Variants in FNIP1 observed in about 807,000 individuals in gnomAD.
FNIP1 encodes folliculin-interacting protein 1.
FNIP1 carries 40 observed loss-of-function variants against 124.5 expected under a neutral mutation model. The ratio of observed to expected loss-of-function variants is 0.32; its 90% confidence interval spans 0.25 to 0.42. The LOEUF is 0.42. Among genes scored for constraint, FNIP1 ranks in the 10% least tolerant of loss-of-function variants. The pLI is 1.00. For missense variants in FNIP1, 1,176 were observed against 1,403.7 expected (o/e 0.84, Z 2.59); for synonymous variants, 472 against 470.6 (o/e 1.00, Z -0.04).
At chr5:131,735,676 A>T (rs1186282742) in intron 2 of FNIP1, among the ~76,000 whole-genome samples, 1 of 150,256 alleles carries the variant, frequency 6.7e-6, no homozygotes, top group Non-Finnish European at 1.5e-5. Context: ...ATACGTATAA[A>T]ATATGTATAT....
At chr5:131,750,515 A>G (rs1335664248) in intron 1 of FNIP1, among the ~76,000 whole-genome samples, 1 of 152,200 alleles carries the variant, frequency 6.6e-6, no homozygotes, top group African/African-American at 2.4e-5. Context: ...AAGCAAAGAA[A>G]TAAATTAACT....
At chr5:131,660,151 T>C (rs1282418363) in intron 15 of FNIP1, among the ~76,000 whole-genome samples, 1 of 151,134 alleles carries the variant, frequency 6.6e-6, no homozygotes, top group African/African-American at 2.4e-5. Context: ...GGCGGCAGAG[T>C]GGTGAGGGTG....
At chr5:131,655,940 A>C (rs12188884) in intron 15 of FNIP1, among the ~76,000 whole-genome samples, 1,752 of 151,270 alleles carry the variant, frequency 0.012, 17 homozygotes, top group South Asian at 0.045. Context: ...AACAAAACAA[A>C]ACAAAAAAAA....
At chr5:131,769,244 ACTTG>A (rs1227034641) in intron 1 of FNIP1, among the ~76,000 whole-genome samples, 1 of 152,240 alleles carries the variant, frequency 6.6e-6, no homozygotes, top group East Asian at 1.9e-4. Flanking sequence ...AATAATTAAT[ACTTG>A]CTTAAAACAT....
chr5:131,780,984 C>T (rs1771976858), intron 1 of FNIP1, among the ~76,000 whole-genome samples: 1 of 152,122 alleles, frequency 6.6e-6, no homozygotes, highest in Admixed American at 6.6e-5. Context: ...GTTGTGAATG[C>T]AAAGGAAAAT....
chr5:131,715,912 T>A (rs1170223504), intron 6 of FNIP1, among the ~76,000 whole-genome samples: 1 of 152,282 alleles, frequency 6.6e-6, no homozygotes, highest in Non-Finnish European at 1.5e-5. Flanking sequence ...ACTATTCTAA[T>A]TGCTATCCCA....
intron 16 of FNIP1, 60 bp downstream of exon 16, chr5:131,651,733 TCAGAAAAAA>T: frequency 6.8e-7 from 1 of 1,477,208 alleles, no homozygotes. Flanking sequence ...CAGCTTTTTT[TCAGAAAAAA>T]CAATGATGAA....
At chr5:131,710,472 C>T in intron 7 of FNIP1, 106 bp downstream of exon 7, 1 of 959,258 alleles carries the variant, frequency 1.0e-6, no homozygotes, top group Non-Finnish European at 1.5e-6. Context: ...TTCTTAACCA[C>T]AACCTCACCA....
intron 1 of FNIP1, among the ~76,000 whole-genome samples, chr5:131,750,296 T>C (rs1208542379): frequency 6.6e-6 from 1 of 151,944 alleles, no homozygotes; most frequent in African/African-American, 2.4e-5. Flanking sequence ...ACGGTCAAAG[T>C]GCTGAAAAAA....
intron 11 of FNIP1, among the ~76,000 whole-genome samples, chr5:131,685,142 C>T (rs1380392513): frequency 6.6e-6 from 1 of 152,094 alleles, no homozygotes; most frequent in African/African-American, 2.4e-5. Context: ...CCTGTAATCC[C>T]AGTACTGTGG....
At chr5:131,760,303 G>GA (rs1308140168) in intron 1 of FNIP1, among the ~76,000 whole-genome samples, 1 of 151,580 alleles carries the variant, frequency 6.6e-6, no homozygotes, top group Non-Finnish European at 1.5e-5. Context: ...GAATATAAGT[G>GA]AAAAAAAAGT....
chr5:131,680,926 G>C (rs1768058186), intron 11 of FNIP1, among the ~76,000 whole-genome samples: 1 of 152,118 alleles, frequency 6.6e-6, no homozygotes, highest in African/African-American at 2.4e-5. Flanking sequence ...GGGAGACATG[G>C]ACAAAGGAGA....
intron 11 of FNIP1, among the ~76,000 whole-genome samples, chr5:131,683,379 G>A (rs924328940): frequency 4.0e-5 from 6 of 151,100 alleles, no homozygotes; most frequent in East Asian, 2.0e-4. Flanking sequence ...AAACCCTGTC[G>A]CTACTAAAAA....
intron 11 of FNIP1, among the ~76,000 whole-genome samples, chr5:131,695,204 A>G (rs925497457): frequency 2.6e-5 from 4 of 152,134 alleles, no homozygotes; most frequent in Non-Finnish European, 2.9e-5. Flanking sequence ...ATATGAAAAA[A>G]CTGCTATTTG....
In FNIP1 at chr5:131,644,535, A is replaced by G; in HGVS notation, c.*150T>C. 1.8e-6 allele frequency: 1 copy of G among 571,158 alleles called. No individual in the cohort carries two copies. The highest frequency in any genetic ancestry group is 3.0e-6 in the Non-Finnish European group (1 of 333,610). 35.4% of individuals were successfully genotyped at this position (571,158 alleles called of 1,614,324 possible). On this transcript the variant is annotated 3_prime_UTR_variant, in exon 18 of 18. Transcript: ENST00000510461. ...AAAGAAAAAGCCATCTGACATACAC[A>G]GAATATACAATGCTATGCAGAATAC...
intron 1 of FNIP1, among the ~76,000 whole-genome samples, chr5:131,770,836 T>C (rs967578884): frequency 1.3e-5 from 2 of 152,238 alleles, no homozygotes; most frequent in East Asian, 1.9e-4. Flanking sequence ...CAAAACTGTA[T>C]GTATACCATC....
chr5:131,647,022 C>T, intron 17 of FNIP1, 68 bp downstream of exon 17: 1 of 1,385,892 alleles, frequency 7.2e-7, no homozygotes, highest in Non-Finnish European at 1.0e-6. Flanking sequence ...AAGGGCAATT[C>T]TGAGGAAAAT....
At chr5:131,687,266 T>C (rs930593106) in intron 11 of FNIP1, among the ~76,000 whole-genome samples, 8 of 151,912 alleles carry the variant, frequency 5.3e-5, no homozygotes, top group African/African-American at 1.9e-4. Flanking sequence ...CCACCAATCC[T>C]GGCTAATTTT....
At chr5:131,660,559 G>A (rs1767396187) in intron 15 of FNIP1, among the ~76,000 whole-genome samples, 1 of 152,032 alleles carries the variant, frequency 6.6e-6, no homozygotes, top group African/African-American at 2.4e-5. Context: ...CTGTTACCTG[G>A]CCACCGCACC....
Sources: gnomAD v4.1 joint callset for allele counts (sites outside exome capture counted in the v4.1 genomes callset) on GRCh38, gnomAD v4.1.1 for gene constraint, MANE v1.5 for transcripts, NCBI Gene and HGNC (gene_info 2026-07-23, HGNC 2026-07-21) for gene names.